CD46: variants seen among roughly 807,000 people sequenced by gnomAD.
The protein encoded by CD46 is membrane cofactor protein.
CD46 carries 30 observed loss-of-function variants against 53.3 expected under a neutral mutation model. The observed-to-expected ratio is 0.56, with a 90% CI of 0.42 to 0.76. CD46 has a LOEUF of 0.76. Among genes scored for constraint, CD46 ranks in the 30% least tolerant of loss-of-function variants. The pLI is 0.00. For synonymous variants in CD46, 142 were observed against 152.0 expected (o/e 0.93, Z 0.48); for missense variants, 409 against 463.0 (o/e 0.88, Z 1.07).
At chr1:207,792,216 C>T (rs1340348337) in intron 12 of CD46, among the ~76,000 whole-genome samples, 1 of 151,852 alleles carries the variant, frequency 6.6e-6, no homozygotes, top group East Asian at 1.9e-4. Flanking sequence ...GAGGAGGTTG[C>T]AAGTGAGCCA....
In CD46 at chr1:207,793,677, G is replaced by A. The variant is rs1474318123; in HGVS notation, c.*200G>A. The A allele has an allele frequency of 2.7e-6, 3 of 1,099,760 alleles. No individual in the cohort carries two copies. The highest frequency in any genetic ancestry group is 1.3e-5 in the South Asian group (1 of 78,170). 68.1% of individuals were successfully genotyped at this position (1,099,760 alleles called of 1,614,324 possible). A position where few individuals can be genotyped will look rare whatever the true frequency, so the allele number is the denominator to read the frequency against. ...TGTTATTCTGTAGTTTCACTCTCAT[G>A]AGTGCAACTGTGGCTTAGCTAATAT... On this transcript the variant is annotated 3_prime_UTR_variant, in exon 13 of 13. Coordinates refer to ENST00000367042, the MANE Select transcript of CD46 (RefSeq NM_172351.3).
intron 8 of CD46, among the ~76,000 whole-genome samples, chr1:207,770,615 G>A (rs1033146238): frequency 1.5e-4 from 23 of 151,980 alleles, no homozygotes; most frequent in Admixed American, 1.2e-3. Flanking sequence ...ATGTGTTCTC[G>A]TTGTTCAACT....
chr1:207,752,278 G>A lies in CD46; in HGVS notation c.66G>A (p.Ala22=), dbSNP rs1655000658. The change falls in exon 1 of 13, where the codon GCG becomes GCA. Residue 22 remains alanine (A), a synonymous_variant. Transcript: ENST00000367042. The surrounding 1 kb of genome is among the most constrained non-coding windows in gnomAD (Gnocchi z 4.1). The part of the protein sequence containing the change: ...PSWRFPGLLL[A]AMVLLLYSFS... ...GGCGCTTTCCTGGGTTGCTTCTGGC[G>A]GCCATGGTGTTGCTGCTGTACTCCT... 2.5e-6 allele frequency: 4 copies of A among 1,614,156 alleles called. No homozygotes were observed. Among genetic ancestry groups the A allele is most frequent in the Non-Finnish European group, 3.4e-6 (4 of 1,180,016 alleles).
At chr1:207,770,837 A>G (rs183369372) in intron 8 of CD46, among the ~76,000 whole-genome samples, 117 of 152,264 alleles carry the variant, frequency 7.7e-4, no homozygotes, top group Non-Finnish European at 1.3e-3. Context: ...AGTCTTTGCT[A>G]TTGTGAATAG....
chr1:207,764,263 C>T (rs1558053457), intron 5 of CD46, among the ~76,000 whole-genome samples: 3 of 152,220 alleles, frequency 2.0e-5, no homozygotes, highest in Non-Finnish European at 1.5e-5. Flanking sequence ...CGCTTGGAAA[C>T]AGCGTGTGCT....
In CD46 at chr1:207,752,356, C is replaced by T. The variant is rs147091232; in HGVS notation, c.97+47C>T. 6.6e-4 allele frequency: 1,026 copies of T among 1,558,310 alleles called. 7 individuals carry two copies. In the African/African-American group the frequency reaches 0.012, roughly 18 times the overall value. Reference sequence around the variant, plus strand: ...GCGCGTCCGCGGCGAGACTAGAGCTCTCCTCAGTCGGGCAAGAGTCGCGGG... The same window carrying T: ...GCGCGTCCGCGGCGAGACTAGAGCTTTCCTCAGTCGGGCAAGAGTCGCGGG... On this transcript the variant is annotated intron_variant, in intron 1 of 12. Coordinates refer to ENST00000367042, the MANE Select transcript of CD46 (RefSeq NM_172351.3). This position sits in a 1 kb window ranked among gnomAD's most constrained non-coding sequence, Gnocchi z 4.1.
chr1:207,767,543 T>C (rs1656999375), intron 6 of CD46: 2 of 1,274,426 alleles, frequency 1.6e-6, no homozygotes. Context: ...GCATAATTCA[T>C]ATAAATGAAA....
intron 5 of CD46, among the ~76,000 whole-genome samples, chr1:207,766,168 A>G (rs1656823953): frequency 6.6e-6 from 1 of 152,170 alleles, no homozygotes; most frequent in African/African-American, 2.4e-5. Flanking sequence ...AACTCACAAA[A>G]GAGCATGAGG....
At chr1:207,790,021 A>C (rs1056276504) in intron 11 of CD46, among the ~76,000 whole-genome samples, 1 of 152,150 alleles carries the variant, frequency 6.6e-6, no homozygotes, top group Non-Finnish European at 1.5e-5. Flanking sequence ...AGGAATTTCC[A>C]GTCTGTTTAT....
Position 207,793,565 on chromosome 1 carries a change from A to T in CD46, c.*88A>T. On this transcript the variant is annotated 3_prime_UTR_variant, in exon 13 of 13. Coordinates refer to ENST00000367042, the MANE Select transcript of CD46 (RefSeq NM_172351.3). The stretch of plus-strand genomic sequence containing the variant: ...ATATGCCACTTACCAGACTAAATCA[A>T]CCACTCCAGCAGAGCAGAGAGGCTG... 1 of 1,614,008 alleles carries T rather than the reference A, an allele frequency of 6.2e-7. No homozygotes were observed. Among genetic ancestry groups the T allele is most frequent in the Non-Finnish European group, 8.5e-7 (1 of 1,179,880 alleles).
intron 8 of CD46, among the ~76,000 whole-genome samples, chr1:207,775,886 C>G (rs1212355851): frequency 6.6e-6 from 1 of 152,200 alleles, no homozygotes; most frequent in Non-Finnish European, 1.5e-5. Flanking sequence ...TTCAGAGCAC[C>G]ACTGCTCTCT....
At chr1:207,787,529 T>G (rs534607702) in intron 11 of CD46, among the ~76,000 whole-genome samples, 1 of 152,310 alleles carries the variant, frequency 6.6e-6, no homozygotes, top group Admixed American at 6.5e-5. Flanking sequence ...ACAGTTGCCA[T>G]TATTAAAATT....
At chr1:207,765,956 C>T (rs971936104) in intron 5 of CD46, among the ~76,000 whole-genome samples, 3 of 152,148 alleles carry the variant, frequency 2.0e-5, no homozygotes, top group African/African-American at 7.2e-5. Context: ...AAAAGATGGA[C>T]TCGTACTCAG....
intron 8 of CD46, among the ~76,000 whole-genome samples, chr1:207,771,779 A>G (rs527601766): frequency 4.6e-5 from 7 of 152,322 alleles, no homozygotes; most frequent in African/African-American, 1.7e-4. Flanking sequence ...TACCAGTACC[A>G]TGCTGTTTTG....
intron 7 of CD46, 53 bp downstream of exon 7, chr1:207,767,876 A>AT (rs1257011771): frequency 1.3e-5 from 18 of 1,370,450 alleles, no homozygotes; most frequent in Admixed American, 5.1e-5. Context: ...ATTCCTGGTG[A>AT]TTTTTTATAA....
chr1:207,757,004 T>C lies in CD46; in HGVS notation c.98-10T>C. On this transcript the variant is annotated splice_polypyrimidine_tract_variant and intron_variant, in intron 1 of 12. Transcript: ENST00000367042. The stretch of plus-strand genomic sequence containing the variant: ...ACTTCATCTTCATGTTCCTATTCTC[T>C]TATCCCTAGATGCCTGTGAGGAGCC... 11 of 1,610,568 alleles carry C rather than the reference T, an allele frequency of 6.8e-6. No individual in the cohort carries two copies. The highest frequency in any genetic ancestry group is 8.5e-6 in the Non-Finnish European group (10 of 1,176,838).
chr1:207,769,819 G>C (rs41317831), intron 7 of CD46: 2,406 of 156,594 alleles, frequency 0.015, 29 homozygotes, highest in Non-Finnish European at 0.024. Flanking sequence ...ATGGCGTGCA[G>C]TGGCGCGGTC....
At chr1:207,770,624 CT>C (rs547925074) in intron 8 of CD46, among the ~76,000 whole-genome samples, 251 of 152,260 alleles carry the variant, frequency 1.6e-3, no homozygotes, top group Middle Eastern at 6.8e-3. Flanking sequence ...CGTTGTTCAA[CT>C]CCTACCTATG....
At chr1:207,774,523 G>A (rs891247620) in intron 8 of CD46, among the ~76,000 whole-genome samples, 2 of 152,174 alleles carry the variant, frequency 1.3e-5, no homozygotes, top group Admixed American at 6.5e-5. Flanking sequence ...GCTGGTACCG[G>A]TTGTTCCTTT....
Sources: gnomAD v4.1 joint callset for allele counts (sites outside exome capture counted in the v4.1 genomes callset) on GRCh38, gnomAD v4.1.1 for gene constraint, Gnocchi (gnomAD v3.1) non-coding constraint, MANE v1.5 for transcripts, NCBI Gene and HGNC (gene_info 2026-07-23, HGNC 2026-07-21) for gene names.